The following PTER variants were observed in gnomAD, a reference collection of about 807,000 sequenced individuals.
PTER encodes phosphotriesterase related, also known as N-acetyltaurine hydrolase.
PTER carries 38 observed loss-of-function variants against 29.6 expected under a neutral mutation model. The observed-to-expected ratio is 1.28, with a 90% CI of 0.99 to 1.68. The LOEUF is 1.68. Among genes scored for constraint, PTER ranks in the 40% most tolerant of loss-of-function variants. The pLI is 0.00. For missense variants in PTER, 482 were observed against 427.8 expected (o/e 1.13, Z -1.12); for synonymous variants, 172 against 154.5 (o/e 1.11, Z -0.84).
At chr10:16,445,919 G>A (rs960085118) in intron 1 of PTER, among the ~76,000 whole-genome samples, 12 of 152,106 alleles carry the variant, frequency 7.9e-5, no homozygotes, top group African/African-American at 2.4e-4. Flanking sequence ...CTGGGCCTGT[G>A]AGTCTCGCTC....
intron 1 of PTER, among the ~76,000 whole-genome samples, chr10:16,465,544 A>G (rs1333053062): frequency 1.3e-5 from 2 of 152,228 alleles, no homozygotes; most frequent in Non-Finnish European, 2.9e-5. Flanking sequence ...TCACAAGCCT[A>G]TAAAGAGGAC....
intron 1 of PTER, among the ~76,000 whole-genome samples, chr10:16,472,294 A>G (rs1332073477): frequency 6.6e-6 from 1 of 152,224 alleles, no homozygotes; most frequent in African/African-American, 2.4e-5. Flanking sequence ...TAAAACTGGA[A>G]TCATGTATGC....
intron 3 of PTER, among the ~76,000 whole-genome samples, chr10:16,500,548 G>A (rs755826975): frequency 5.3e-5 from 8 of 151,968 alleles, no homozygotes; most frequent in African/African-American, 1.9e-4. Context: ...CAATGTGCCC[G>A]GCCAGGGGTT....
intron 3 of PTER, among the ~76,000 whole-genome samples, chr10:16,497,496 G>A (rs1017707546): frequency 6.6e-6 from 1 of 152,204 alleles, no homozygotes; most frequent in African/African-American, 2.4e-5. Context: ...TCCTAACACA[G>A]AGAATAGCAC....
chr10:16,518,997 A>G, the PTER span, among the ~76,000 whole-genome samples: 3 of 152,102 alleles, frequency 2.0e-5, no homozygotes, highest in Admixed American at 6.5e-5. Context: ...CATAATAACT[A>G]TAATAAACAA....
intron 4 of PTER, among the ~76,000 whole-genome samples, chr10:16,510,253 CAT>C (rs1251940055): frequency 1.3e-5 from 2 of 152,184 alleles, no homozygotes; most frequent in African/African-American, 4.8e-5. Context: ...CAGATTCCAG[CAT>C]TTAACAAAGC....
chr10:16,468,101 G>C (rs1834906322), intron 1 of PTER, among the ~76,000 whole-genome samples: 1 of 152,194 alleles, frequency 6.6e-6, no homozygotes, highest in Admixed American at 6.5e-5. Flanking sequence ...CAGCACTTTG[G>C]GAGGCTGAGG....
intron 1 of PTER, among the ~76,000 whole-genome samples, chr10:16,464,011 C>T (rs1834719939): frequency 6.6e-6 from 1 of 152,126 alleles, no homozygotes; most frequent in African/African-American, 2.4e-5. Context: ...TTTGATGACT[C>T]ACCTTCTGTT....
chr10:16,473,651 G>A (rs1049207460), intron 1 of PTER, among the ~76,000 whole-genome samples: 3 of 150,086 alleles, frequency 2.0e-5, no homozygotes, highest in African/African-American at 7.4e-5. Flanking sequence ...TGCTGTAAAC[G>A]CTCATAAATA....
intron 1 of PTER, among the ~76,000 whole-genome samples, chr10:16,444,585 G>T (rs1408202339): frequency 1.3e-5 from 2 of 151,584 alleles, no homozygotes; most frequent in African/African-American, 2.4e-5. Flanking sequence ...TAGAGATGGG[G>T]TCTCACTCTG....
intron 1 of PTER, among the ~76,000 whole-genome samples, chr10:16,463,058 C>A (rs373853740): frequency 6.6e-6 from 1 of 151,674 alleles, no homozygotes; most frequent in Non-Finnish European, 1.5e-5. Flanking sequence ...TCGGGCTTGA[C>A]GGCAGGCACC....
At chr10:16,440,163 T>G (rs1833796517) in intron 1 of PTER, among the ~76,000 whole-genome samples, 1 of 151,000 alleles carries the variant, frequency 6.6e-6, no homozygotes, top group South Asian at 2.1e-4. Flanking sequence ...CCTCCCAGGT[T>G]TAAGTGATTC....
chr10:16,444,425 A>T (rs1445016922), intron 1 of PTER, among the ~76,000 whole-genome samples: 1 of 149,878 alleles, frequency 6.7e-6, no homozygotes, highest in African/African-American at 2.5e-5. Context: ...CAATACCTCA[A>T]TACCACGCCT....
At chr10:16,508,215 C>A (rs1011030215) in intron 4 of PTER, among the ~76,000 whole-genome samples, 1 of 151,710 alleles carries the variant, frequency 6.6e-6, no homozygotes, top group East Asian at 1.9e-4. Flanking sequence ...ACTACAGGCA[C>A]CCGCCACCAC....
chr10:16,504,963 G>A, intron 3 of PTER, 57 bp from the exon 4 acceptor site: 1 of 1,594,152 alleles, frequency 6.3e-7, no homozygotes, highest in East Asian at 2.2e-5. Context: ...CTTCTAGTAT[G>A]TACATGTGGA....
At chr10:16,502,304 T>G (rs1254379169) in intron 3 of PTER, among the ~76,000 whole-genome samples, 6 of 152,204 alleles carry the variant, frequency 3.9e-5, no homozygotes. Context: ...ATTACTTTAA[T>G]TGTGTATATT....
At chr10:16,449,543 A>G (rs1250544726) in intron 1 of PTER, among the ~76,000 whole-genome samples, 1 of 141,564 alleles carries the variant, frequency 7.1e-6, no homozygotes, top group Non-Finnish European at 1.5e-5. Context: ...TCTGCTGTCC[A>G]TTACAGTAAC....
Position 16,505,006 on chromosome 10 carries a change from C to A in PTER, c.699-14C>A, listed in dbSNP as rs183624795. On this transcript the variant is annotated splice_polypyrimidine_tract_variant and intron_variant, in intron 3 of 4. Transcript: ENST00000535784. Reference sequence around the variant, plus strand: ...CTCTTCATAATAACAGTTCATCTGTCGCATTGTTTCTAGGACTATTCTTGA... The same window carrying A: ...CTCTTCATAATAACAGTTCATCTGTAGCATTGTTTCTAGGACTATTCTTGA... 13 of 1,612,640 alleles carry A rather than the reference C, an allele frequency of 8.1e-6. No homozygotes were observed. Among genetic ancestry groups the A allele is most frequent in the Non-Finnish European group, 5.1e-6 (6 of 1,179,442 alleles).
At chr10:16,514,520 C>A (rs1187125542), downstream of PTER, 1 of 1,610,748 alleles carries the variant, frequency 6.2e-7, no homozygotes, top group Non-Finnish European at 8.5e-7. Context: ...AGCTTAGTTT[C>A]TGCATTATCA....
Sources: allele counts gnomAD v4.1 joint callset (sites outside exome capture counted in the v4.1 genomes callset), GRCh38; gene constraint gnomAD v4.1.1; transcripts MANE v1.5; gene names NCBI Gene and HGNC (gene_info 2026-07-23, HGNC 2026-07-21).